The following ELL variants were observed in gnomAD, a reference collection of about 807,000 sequenced individuals.
ELL encodes the protein elongation factor for RNA polymerase II, also known as RNA polymerase II elongation factor ELL.
A neutral mutation model predicts 64.0 loss-of-function variants in ELL; 18 were observed. That is an observed-to-expected ratio of 0.28 (90% CI 0.19 to 0.42). The LOEUF is 0.42. ELL is among the 10% of genes least tolerant of loss of function. The pLI is 1.00. For missense variants in ELL, 797 were observed against 870.4 expected (o/e 0.92, Z 1.06); for synonymous variants, 399 against 376.2 (o/e 1.06, Z -0.70).
chr19:18,444,544 A>G lies in ELL; in HGVS notation c.*208T>C. 2.0e-6 allele frequency: 1 copy of G among 504,986 alleles called. No individual in the cohort carries two copies. Among genetic ancestry groups the G allele is most frequent in the Non-Finnish European group, 3.5e-6 (1 of 286,628 alleles). 31.3% of individuals were successfully genotyped at this position (504,986 alleles called of 1,614,324 possible). On this transcript the variant is annotated 3_prime_UTR_variant, in exon 12 of 12. Coordinates refer to ENST00000262809, the MANE Select transcript of ELL (RefSeq NM_006532.4). ...CAGTGGGCTTCCTGGGGAGCCCATC[A>G]TAAGCAGGGACTGCTCAGGAAGCGC...
intron 1 of ELL, among the ~76,000 whole-genome samples, chr19:18,500,125 G>A (rs1382053715): frequency 3.9e-5 from 6 of 152,136 alleles, no homozygotes; most frequent in Admixed American, 3.9e-4. Context: ...ATCTGGGCAT[G>A]GTGGCGGGTG....
At chr19:18,465,708 T>A (rs1974919032) in intron 3 of ELL, 89 bp downstream of exon 3, 26 of 1,459,036 alleles carry the variant, frequency 1.8e-5, no homozygotes, top group Non-Finnish European at 2.3e-5. Context: ...GCAATATGGT[T>A]TCAATGGGGC....
Position 18,522,057 on chromosome 19 carries a change from T to C in ELL, c.-2A>G, listed in dbSNP as rs1339702032. 2 of 1,599,738 alleles carry C rather than the reference T, an allele frequency of 1.3e-6. No homozygotes were observed. Among genetic ancestry groups the C allele is most frequent in the South Asian group, 1.1e-5 (1 of 90,128 alleles). ...CCTATCCTCCTTCAGCGCCGCCATC[T>C]TGCGACCATCTCTCCCCCGCGCCCC... On this transcript the variant is annotated 5_prime_UTR_variant, in exon 1 of 12. Coordinates refer to ENST00000262809, the MANE Select transcript of ELL (RefSeq NM_006532.4).
intron 2 of ELL, among the ~76,000 whole-genome samples, chr19:18,468,890 C>A (rs375053655): frequency 6.6e-6 from 1 of 152,208 alleles, no homozygotes; most frequent in Non-Finnish European, 1.5e-5. Context: ...GGCAGCTGTA[C>A]ACCCAGTCAG....
chr19:18,493,603 G>A (rs1016100409), intron 1 of ELL, among the ~76,000 whole-genome samples: 3 of 152,344 alleles, frequency 2.0e-5, no homozygotes, highest in East Asian at 3.9e-4. Flanking sequence ...CACGCAGAAC[G>A]ACTGCAGCCA....
intron 6 of ELL, among the ~76,000 whole-genome samples, chr19:18,453,818 C>G (rs1407465082): frequency 6.6e-6 from 1 of 152,228 alleles, no homozygotes; most frequent in East Asian, 1.9e-4. Context: ...ATCCTCCCAC[C>G]TAAGCCTCCC....
At position 18,444,670 on chromosome 19, in the gene ELL, G is replaced by C. The variant is rs528461442; in HGVS notation, c.*82C>G. On this transcript the variant is annotated 3_prime_UTR_variant, in exon 12 of 12. Transcript: ENST00000262809. ...GCTGGCTCAGATGAGCATCTTCCTC[G>C]GGTTTATTTTTTTAAATAAATCCTC... 4.9e-5 allele frequency: 69 copies of C among 1,406,808 alleles called. No individual in the cohort carries two copies. In the African/African-American group the frequency reaches 8.6e-4, roughly 17 times the overall value. The allele number at this position is 1,406,808 out of a possible 1,614,324, so 87.1% of individuals were successfully genotyped here.
At chr19:18,466,619 G>A (rs1490005464) in intron 2 of ELL, among the ~76,000 whole-genome samples, 4 of 152,208 alleles carry the variant, frequency 2.6e-5, no homozygotes, top group Admixed American at 6.5e-5. Context: ...GCGGATGGAC[G>A]GACTGCGCTG....
At chr19:18,514,427 T>C (rs956457755) in intron 1 of ELL, among the ~76,000 whole-genome samples, 1 of 142,026 alleles carries the variant, frequency 7.0e-6, no homozygotes, top group Non-Finnish European at 1.5e-5. Flanking sequence ...GGCAGGAGAA[T>C]GGCGTGAACC....
intron 6 of ELL, 115 bp from the exon 7 acceptor site, chr19:18,451,763 C>T (rs1274489832): frequency 2.5e-6 from 2 of 810,978 alleles, no homozygotes; most frequent in African/African-American, 3.7e-5. Context: ...CCCCCTCCTC[C>T]CAAATCCAGA....
chr19:18,452,005 A>G (rs1974550246), intron 6 of ELL, among the ~76,000 whole-genome samples: 1 of 152,244 alleles, frequency 6.6e-6, no homozygotes, highest in East Asian at 1.9e-4. Context: ...AAAATGCAGA[A>G]GAGAACGGAG....
rs902852860 is a variant in ELL, at chr19:18,443,399, C to T, written c.*1353G>A. 4 of 222,862 alleles carry T rather than the reference C, an allele frequency of 1.8e-5. No individual in the cohort carries two copies. Among genetic ancestry groups the T allele is most frequent in the Non-Finnish European group, 3.5e-5 (4 of 114,588 alleles). The allele number at this position is 222,862 out of a possible 1,614,324, so 13.8% of individuals were successfully genotyped here. Reference sequence around the variant, plus strand: ...CCCCCCAGTTTAGAAAAATAGACATCTGTATTTTTGCATTTCTGTTCTCCC... The same window carrying T: ...CCCCCCAGTTTAGAAAAATAGACATTTGTATTTTTGCATTTCTGTTCTCCC... On this transcript the variant is annotated 3_prime_UTR_variant, in exon 12 of 12. Coordinates refer to ENST00000262809, the MANE Select transcript of ELL (RefSeq NM_006532.4).
At chr19:18,508,287 C>A (rs1025448827) in intron 1 of ELL, among the ~76,000 whole-genome samples, 1 of 152,158 alleles carries the variant, frequency 6.6e-6, no homozygotes, top group African/African-American at 2.4e-5. Context: ...CCAGCCTGGA[C>A]AGCACAGCAA....
At chr19:18,483,081 CTT>C (rs1568389140) in intron 1 of ELL, among the ~76,000 whole-genome samples, 1 of 151,998 alleles carries the variant, frequency 6.6e-6, no homozygotes, top group African/African-American at 2.4e-5. Flanking sequence ...ACACTCCCAT[CTT>C]TTTTTTAAAT....
At position 18,461,618 on chromosome 19, in the gene ELL, G is replaced by A. The variant is rs148006079; in HGVS notation, c.704C>T (p.Thr235Met). ...ATCCAGCGCGTCCTTGTCCGCCTGC[G>A]TCAGGCCGTCCTTCTGCAGTCGCAG... Reference protein sequence around the residue: ...LLLRLQKDGLTQADKDALDGL... With the variant: ...LLLRLQKDGLMQADKDALDGL... Residue 235 changes from threonine (T) to methionine (M), a missense_variant, in exon 5 of 12, where the codon ACG (threonine) becomes ATG (methionine). By Grantham distance (81) the Thr-to-Met change is moderately conservative. Coordinates refer to ENST00000262809, the MANE Select transcript of ELL (RefSeq NM_006532.4). The A allele has an allele frequency of 3.6e-4, 586 of 1,608,734 alleles. 2 individuals are homozygous for A. Among genetic ancestry groups the A allele is most frequent in the Admixed American group, 1.3e-3 (76 of 60,012 alleles).
At position 18,461,782 on chromosome 19, in the gene ELL, G is replaced by A. The variant is rs147629889; in HGVS notation, c.540C>T (p.Thr180=). The A allele has an allele frequency of 6.2e-7, 1 of 1,614,134 alleles. No individual in the cohort carries two copies. Among genetic ancestry groups the A allele is most frequent in the Non-Finnish European group, 8.5e-7 (1 of 1,180,048 alleles). ...TGATGGCACTCGCCAAGTTGATGGG[G>A]GTTGCCCGCTTCCGGGAGGGCACCG... The part of the protein sequence containing the change: ...TDAVPSRKRA[T]PINLASAIRK... The change falls in exon 5 of 12, where the codon ACC becomes ACT. Residue 180 remains threonine (T), a synonymous_variant. Coordinates refer to ENST00000262809, the MANE Select transcript of ELL (RefSeq NM_006532.4).
chr19:18,506,486 G>A (rs1975887349), intron 1 of ELL, among the ~76,000 whole-genome samples: 1 of 152,242 alleles, frequency 6.6e-6, no homozygotes, highest in Non-Finnish European at 1.5e-5. Flanking sequence ...CAGCACATTG[G>A]GAGGCCAAGG....
At position 18,446,533 on chromosome 19, in the gene ELL, C is replaced by T. The variant is rs1049109046; in HGVS notation, c.1533-53G>A. On this transcript the variant is annotated intron_variant, in intron 9 of 11. Transcript: ENST00000262809. ...TGGAGGCTGGAAGGACCCAGCCCCA[C>T]CCAGGAAGTGGCCATCCTGGCTCCA... is the stretch of plus-strand genomic sequence containing the variant. 8.2e-6 allele frequency: 13 copies of T among 1,581,606 alleles called. No homozygotes were observed. In the African/African-American group the frequency reaches 1.1e-4, roughly 13 times the overall value.
At chr19:18,446,510 G>T in intron 9 of ELL, 30 bp from the exon 10 acceptor site, 1 of 1,602,358 alleles carries the variant, frequency 6.2e-7, no homozygotes. Flanking sequence ...CCACTGAGTG[G>T]AGGCTGGAAG....
Sources: allele counts gnomAD v4.1 joint callset (sites outside exome capture counted in the v4.1 genomes callset), GRCh38; gene constraint gnomAD v4.1.1; transcripts MANE v1.5; gene names NCBI Gene and HGNC (gene_info 2026-07-23, HGNC 2026-07-21).